The following RABL3 variants were observed in gnomAD, a reference collection of about 807,000 sequenced individuals.
RABL3 encodes RAB, member of RAS oncogene family like 3.
RABL3 carries 31 observed loss-of-function variants against 31.8 expected under a neutral mutation model. The observed-to-expected ratio is 0.97, with a 90% confidence interval of 0.73 to 1.31. The LOEUF (loss-of-function observed/expected upper bound fraction) is 1.31, where lower values mean the gene tolerates loss of function less well. RABL3 is among the 40% of genes most tolerant of loss of function. The pLI is 0.00. For missense variants in RABL3, 263 were observed against 279.6 expected, an observed-to-expected ratio of 0.94 and a Z score of 0.42; for synonymous variants, 97 against 99.9, an observed-to-expected ratio of 0.97 and a Z score of 0.18.
chr3:120,690,790 A>G (rs1442167907), intron 6 of RABL3, among the ~76,000 whole-genome samples: 1 of 152,218 alleles, frequency 6.6e-6, no homozygotes, highest in Non-Finnish European at 1.5e-5. Flanking sequence ...GTATGACAGC[A>G]AATCTGACTC....
At chr3:120,707,577 A>G (rs1471700365) in intron 3 of RABL3, among the ~76,000 whole-genome samples, 1 of 152,134 alleles carries the variant, frequency 6.6e-6, no homozygotes, top group Non-Finnish European at 1.5e-5. Flanking sequence ...ATTTGCACTC[A>G]GGTAATCTGA....
At chr3:120,710,113 C>G (rs1013334014) in intron 2 of RABL3, among the ~76,000 whole-genome samples, 3 of 152,014 alleles carry the variant, frequency 2.0e-5, no homozygotes, top group Non-Finnish European at 4.4e-5. Context: ...TTTCACAGCT[C>G]TCTGTTCCAC....
rs1012296790 is a variant in RABL3, at chr3:120,694,200, C to A, written c.559G>T (p.Ala187Ser). Residue 187 changes from alanine (A) to serine (S), a missense_variant, in exon 6 of 8, where the codon GCT (alanine) becomes TCT (serine). Coordinates refer to ENST00000273375, the MANE Select transcript of RABL3 (RefSeq NM_173825.5). ...TTGACAGCATTGGAAGAACCTGCAG[C>A]TAAGTACCGTGGATTTGTGCAGTCC... is the stretch of plus-strand genomic sequence containing the variant. ...NLDCTNPRYL[A>S]AGSSNAVKLS... 6.2e-7 allele frequency: 1 copy of A among 1,611,414 alleles called. No individual in the cohort carries two copies. Among genetic ancestry groups the A allele is most frequent in the Middle Eastern group, 1.7e-4 (1 of 6,044 alleles).
At chr3:120,730,557 G>A (rs539877033) in intron 2 of RABL3, 139 bp downstream of exon 2, 1 of 606,014 alleles carries the variant, frequency 1.7e-6, no homozygotes, top group East Asian at 2.9e-5. Context: ...AACTGGCATA[G>A]TACCTGGCAC....
chr3:120,722,261 T>A (rs1430878957), intron 2 of RABL3: 2 of 152,184 alleles, frequency 1.3e-5, no homozygotes, highest in Admixed American at 6.6e-5. Flanking sequence ...AGAGTGGTTA[T>A]GTGGCTGCCC....
At chr3:120,738,987 A>T (rs2107600109) in intron 1 of RABL3, among the ~76,000 whole-genome samples, 1 of 152,302 alleles carries the variant, frequency 6.6e-6, no homozygotes, top group Middle Eastern at 3.4e-3. Context: ...ATGGGGTTAT[A>T]CTGCCACCAG....
chr3:120,697,471 C>T (rs1708449806), intron 5 of RABL3, among the ~76,000 whole-genome samples: 2 of 152,210 alleles, frequency 1.3e-5, no homozygotes, highest in Admixed American at 6.5e-5. Flanking sequence ...TACACCACCA[C>T]CACTGCATTT....
At chr3:120,725,452 T>C (rs1255789082) in intron 2 of RABL3, among the ~76,000 whole-genome samples, 1 of 152,208 alleles carries the variant, frequency 6.6e-6, no homozygotes, top group African/African-American at 2.4e-5. Context: ...ACTGCGTATA[T>C]ACCCAAAGGA....
chr3:120,702,812 C>G (rs1373526420), intron 4 of RABL3, among the ~76,000 whole-genome samples: 2 of 152,142 alleles, frequency 1.3e-5, no homozygotes, highest in Non-Finnish European at 2.9e-5. Context: ...CCGCCTTGGC[C>G]TCCCAAAGTG....
intron 2 of RABL3, among the ~76,000 whole-genome samples, chr3:120,725,346 G>A (rs1000156141): frequency 2.0e-5 from 3 of 151,042 alleles, no homozygotes; most frequent in Non-Finnish European, 4.4e-5. Context: ...TACACTGTTG[G>A]TGGAACTGTA....
rs914122224 is a variant in RABL3 at position 120,688,707 on chromosome 3, T to A, written c.*1116A>T. 3 of 151,786 alleles carry A rather than the reference T, an allele frequency of 2.0e-5. No homozygotes were observed. Among genetic ancestry groups the A allele is most frequent in the Non-Finnish European group, 4.4e-5 (3 of 67,978 alleles). 9.4% of individuals were successfully genotyped at this position (151,786 alleles called of 1,614,324 possible). A position where few individuals can be genotyped will look rare whatever the true frequency, so the allele number is the denominator to read the frequency against. On this transcript the variant is annotated 3_prime_UTR_variant, in exon 8 of 8. Coordinates refer to ENST00000273375, the MANE Select transcript of RABL3 (RefSeq NM_173825.5). ...GTGTTGAATAAATTGTTTTTAGAAA[T>A]CAAATTCATATACTCAGGAAGAACT...
chr3:120,711,554 C>A (rs1708612946), intron 2 of RABL3, among the ~76,000 whole-genome samples: 1 of 152,082 alleles, frequency 6.6e-6, no homozygotes, highest in African/African-American at 2.4e-5. Flanking sequence ...ATCATACGCT[C>A]TTTTGCTCAA....
At chr3:120,718,139 C>T (rs922545901) in intron 2 of RABL3, among the ~76,000 whole-genome samples, 2 of 152,148 alleles carry the variant, frequency 1.3e-5, no homozygotes, top group African/African-American at 4.8e-5. Context: ...GAATCTTACT[C>T]CATGGTTACA....
At chr3:120,694,131 A>C (rs1289558264) in intron 6 of RABL3, 22 bp downstream of exon 6, 2 of 1,491,338 alleles carry the variant, frequency 1.3e-6, no homozygotes, top group Non-Finnish European at 1.8e-6. Context: ...AAGTTTAAAA[A>C]TAACTTAATT....
In RABL3 at chr3:120,689,772, G is replaced by C. The variant is rs369781179; in HGVS notation, c.*51C>G. ...GTAATAATTGAACACAGCAAGATGA[G>C]CTGTGAAAAACTGCCACTGCTTGCT... On this transcript the variant is annotated 3_prime_UTR_variant, in exon 8 of 8. Coordinates refer to ENST00000273375, the MANE Select transcript of RABL3 (RefSeq NM_173825.5). 417 of 1,203,480 alleles carry C rather than the reference G, an allele frequency of 3.5e-4. 1 individual carries two copies. The highest frequency in any genetic ancestry group is 4.9e-4 in the Non-Finnish European group (396 of 808,606). 74.6% of individuals were successfully genotyped at this position (1,203,480 alleles called of 1,614,324 possible).
At position 120,686,030 on chromosome 3, in the gene RABL3, G is replaced by A. The variant is rs1481858326; in HGVS notation, c.*3793C>T. Among the ~76,000 whole-genome samples, 1 of 152,200 alleles carries A rather than the reference G, an allele frequency of 6.6e-6. No individual in the cohort carries two copies. Among genetic ancestry groups the A allele is most frequent in the African/African-American group, 2.4e-5 (1 of 41,448 alleles). On this transcript the variant is annotated 3_prime_UTR_variant, in exon 8 of 8. Transcript: ENST00000273375. ...ACTGGATGTCCAATTCCTTTACTAT[G>A]CTATGGAGCAGCCCCAGCTGACCCT...
At chr3:120,735,342 T>C (rs551941345) in intron 1 of RABL3, among the ~76,000 whole-genome samples, 1 of 152,106 alleles carries the variant, frequency 6.6e-6, no homozygotes, top group Admixed American at 6.6e-5. Context: ...AGAGGTGTTT[T>C]TAGTATTCTC....
intron 2 of RABL3, among the ~76,000 whole-genome samples, chr3:120,719,698 C>T (rs1294520608): frequency 6.6e-6 from 1 of 152,196 alleles, no homozygotes; most frequent in African/African-American, 2.4e-5. Flanking sequence ...ACAAAGCAGC[C>T]AGGAAGCTCG....
chr3:120,734,471 C>T (rs986591506), intron 1 of RABL3, among the ~76,000 whole-genome samples: 1 of 152,182 alleles, frequency 6.6e-6, no homozygotes, highest in South Asian at 2.1e-4. Flanking sequence ...TCTGGATATA[C>T]TATCATGTCA....
Sources: gnomAD v4.1 joint callset for allele counts (sites outside exome capture counted in the v4.1 genomes callset) on GRCh38, gnomAD v4.1.1 for gene constraint, MANE v1.5 for transcripts, NCBI Gene and HGNC (gene_info 2026-07-23, HGNC 2026-07-21) for gene names.